MBD5: variants seen among roughly 807,000 people sequenced by gnomAD.
MBD5 encodes the protein methyl-CpG-binding domain protein 5.
A neutral mutation model predicts 117.3 loss-of-function variants in MBD5; 13 were observed. That is an observed-to-expected ratio of 0.11 (90% confidence interval 0.07 to 0.18). The LOEUF (loss-of-function observed/expected upper bound fraction) is 0.18, where lower values mean the gene tolerates loss of function less well. MBD5 is among the 10% of genes least tolerant of loss of function. The probability of loss-of-function intolerance (pLI) is 1.00; values close to 1 mark genes in which losing one functional copy is unlikely to be tolerated. For synonymous variants in MBD5, 727 were observed against 766.4 expected, an observed-to-expected ratio of 0.95 and a Z score of 0.85; for missense variants, 1,879 against 2,093.8, an observed-to-expected ratio of 0.90 and a Z score of 2.00.
chr2:148,490,748 G>C, intron 11 of MBD5, 154 bp downstream of exon 11: 3 of 912,266 alleles, frequency 3.3e-6, no homozygotes, highest in Non-Finnish European at 5.0e-6. Flanking sequence ...AAAATGAAGA[G>C]GGGATGGTTA....
intron 12 of MBD5, among the ~76,000 whole-genome samples, chr2:148,504,050 T>C (rs1218508558): frequency 2.0e-5 from 3 of 152,218 alleles, no homozygotes; most frequent in Non-Finnish European, 2.9e-5. Flanking sequence ...AGCTGTATTT[T>C]CCCCATGTAT....
intron 11 of MBD5, among the ~76,000 whole-genome samples, chr2:148,493,906 C>G (rs1394155006): frequency 6.6e-6 from 1 of 152,132 alleles, no homozygotes; most frequent in African/African-American, 2.4e-5. Context: ...TGATGTGAGC[C>G]TAATCTTAGC....
chr2:148,402,484 A>G (rs973192871), intron 4 of MBD5, among the ~76,000 whole-genome samples: 5 of 152,108 alleles, frequency 3.3e-5, no homozygotes, highest in African/African-American at 1.2e-4. Flanking sequence ...ACAACCACCA[A>G]AAGTTTTCTT....
At chr2:148,507,876 C>T (rs548799004) in intron 12 of MBD5, among the ~76,000 whole-genome samples, 1 of 151,822 alleles carries the variant, frequency 6.6e-6, no homozygotes, top group African/African-American at 2.4e-5. Flanking sequence ...TTCATTAAAA[C>T]ATTGTAACTT....
chr2:148,256,106 T>A (rs1355397217), intron 3 of MBD5, among the ~76,000 whole-genome samples: 1 of 152,250 alleles, frequency 6.6e-6, no homozygotes, highest in Non-Finnish European at 1.5e-5. Context: ...TGCCACCTGG[T>A]CAAGGGCACT....
At chr2:148,220,097 G>T (rs1208503663) in intron 2 of MBD5, 1 of 152,150 alleles carries the variant, frequency 6.6e-6, no homozygotes, top group Non-Finnish European at 1.5e-5. Context: ...CTCTAGCTGA[G>T]AACTCTTCCC....
intron 3 of MBD5, among the ~76,000 whole-genome samples, chr2:148,330,194 T>TCTC (rs58483898): frequency 4.0e-5 from 6 of 151,184 alleles, no homozygotes; most frequent in South Asian, 2.1e-4. Context: ...GACTCCCAGC[T>TCTC]TCTCTCTCTC....
At chr2:148,142,775 T>A (rs1290109845) in intron 1 of MBD5, among the ~76,000 whole-genome samples, 1 of 152,130 alleles carries the variant, frequency 6.6e-6, no homozygotes, top group East Asian at 1.9e-4. Context: ...CTAAGGAAAT[T>A]GATATGTTTG....
chr2:148,243,666 T>C (rs2106205649), intron 3 of MBD5: 1 of 152,274 alleles, frequency 6.6e-6, no homozygotes, highest in Non-Finnish European at 1.5e-5. Flanking sequence ...AATTTTTTCT[T>C]ACCCAAGGAA....
Position 148,485,963 on chromosome 2 carries a change from G to C in MBD5, c.3753+13G>C. 6.2e-7 allele frequency: 1 copy of C among 1,610,392 alleles called. No individual in the cohort carries two copies. The highest frequency in any genetic ancestry group is 1.1e-5 in the South Asian group (1 of 90,992). On this transcript the variant is annotated intron_variant, in intron 10 of 13. Coordinates refer to ENST00000642680, the MANE Select transcript of MBD5 (RefSeq NM_001378120.1). The stretch of plus-strand genomic sequence containing the variant: ...TCAGAACTTTCAGGTACTCTCCTCT[G>C]CTGTGTCATTTTAGAAGAAAACAAT...
intron 1 of MBD5, among the ~76,000 whole-genome samples, chr2:148,035,379 GAAATA>G (rs1054032951): frequency 4.0e-5 from 6 of 151,836 alleles, no homozygotes; most frequent in African/African-American, 1.5e-4. Flanking sequence ...TCTTTTTTTA[GAAATA>G]AAATTATCTG....
chr2:148,021,234 A>G lies in MBD5; in HGVS notation c.-1375A>G. The stretch of plus-strand genomic sequence containing the variant: ...ACCTTGAATTCAGGGGGGTGGGGGG[A>G]AGGCGGCTGAGTTCCTTCCCCCACC... On this transcript the variant is annotated 5_prime_UTR_variant, in exon 1 of 14. Transcript: ENST00000642680. 1 of 257,284 alleles carries G rather than the reference A, an allele frequency of 3.9e-6. No homozygotes were observed. The highest frequency in any genetic ancestry group is 8.0e-6 in the Non-Finnish European group (1 of 125,068). 15.9% of individuals were successfully genotyped at this position (257,284 alleles called of 1,614,324 possible).
At chr2:148,176,104 T>A (rs1052244292) in intron 1 of MBD5, among the ~76,000 whole-genome samples, 3 of 152,166 alleles carry the variant, frequency 2.0e-5, no homozygotes, top group Non-Finnish European at 4.4e-5. Context: ...AACTGTGGAT[T>A]GATTTGAATT....
intron 1 of MBD5, among the ~76,000 whole-genome samples, chr2:148,102,555 C>A (rs183063320): frequency 4.3e-4 from 65 of 152,192 alleles, no homozygotes; most frequent in African/African-American, 1.6e-3. Flanking sequence ...ATTCCAAATA[C>A]TGTGTTCTTT....
At chr2:148,040,165 AC>A (rs1694314651) in intron 1 of MBD5, among the ~76,000 whole-genome samples, 2 of 152,244 alleles carry the variant, frequency 1.3e-5, no homozygotes, top group Admixed American at 6.5e-5. Flanking sequence ...CTGCACATGT[AC>A]CCCTGAACCT....
rs1016926228 is a variant in MBD5, at chr2:148,021,275, C to T, written c.-1334C>T. ...TTCCCCCACCCTCCAGCCCTGAGCC[C>T]TGAGAGGGGGATTGAGCCTGAGAGA... On this transcript the variant is annotated 5_prime_UTR_variant, in exon 1 of 14. Coordinates refer to ENST00000642680, the MANE Select transcript of MBD5 (RefSeq NM_001378120.1). 3 of 356,064 alleles carry T rather than the reference C, an allele frequency of 8.4e-6. No homozygotes were observed. The highest frequency in any genetic ancestry group is 1.7e-5 in the Non-Finnish European group (3 of 180,280). The allele number at this position is 356,064 out of a possible 1,614,324, so 22.1% of individuals were successfully genotyped here.
chr2:148,132,732 A>T (rs1272564740), intron 1 of MBD5, among the ~76,000 whole-genome samples: 2 of 152,148 alleles, frequency 1.3e-5, no homozygotes, highest in Non-Finnish European at 2.9e-5. Flanking sequence ...CAATGAGGGT[A>T]GGCTGGTAAA....
intron 1 of MBD5, among the ~76,000 whole-genome samples, chr2:148,089,407 C>T (rs947930432): frequency 2.0e-5 from 3 of 151,976 alleles, no homozygotes; most frequent in Non-Finnish European, 4.4e-5. Context: ...CTTTTCATCA[C>T]CACATGAAAC....
chr2:148,062,983 C>T (rs1439692073), intron 1 of MBD5, among the ~76,000 whole-genome samples: 2 of 152,130 alleles, frequency 1.3e-5, no homozygotes, highest in Non-Finnish European at 2.9e-5. Flanking sequence ...CAAAATTTCT[C>T]AGCACATATT....
Sources: gnomAD v4.1 joint callset for allele counts (sites outside exome capture counted in the v4.1 genomes callset) on GRCh38, gnomAD v4.1.1 for gene constraint, MANE v1.5 for transcripts, NCBI Gene and HGNC (gene_info 2026-07-23, HGNC 2026-07-21) for gene names.